EPHA6: variants seen among roughly 807,000 people sequenced by gnomAD.
EPHA6 encodes EPH receptor A6, also known as ephrin type-A receptor 6.
In EPHA6, 50 loss-of-function variants were observed where a neutral mutation model predicts 112.0. The observed-to-expected ratio is 0.45, with a 90% confidence interval of 0.36 to 0.56. EPHA6 has a LOEUF of 0.56. EPHA6 is among the 20% of genes least tolerant of loss of function. EPHA6 has a pLI of 0.00. For synonymous variants in EPHA6, 529 were observed against 490.7 expected (o/e 1.08, Z -1.03); for missense variants, 1,280 against 1,417.4 (o/e 0.90, Z 1.56).
At chr3:97,646,408 G>T in intron 14 of EPHA6, 2 of 845,600 alleles carry the variant, frequency 2.4e-6, no homozygotes, top group South Asian at 5.7e-5. Context: ...TGAAGAATGA[G>T]ATTTACACCT....
chr3:96,967,508 G>A (rs938804469), intron 2 of EPHA6, among the ~76,000 whole-genome samples: 6 of 151,574 alleles, frequency 4.0e-5, no homozygotes, highest in African/African-American at 9.7e-5. Flanking sequence ...AATTCTAGAA[G>A]CAGAATTACT....
rs1364245402 is a variant in EPHA6 at position 97,614,519 on chromosome 3, T to A, written c.2574+3665T>A. 1.8e-3 allele frequency among the ~76,000 whole-genome samples: 263 copies of A among 149,056 alleles called. 1 individual carries two copies. Among genetic ancestry groups the A allele is most frequent in the African/African-American group, 6.1e-3 (249 of 40,938 alleles). ...CCAGCTAATTTTTTTTTTTTTTTTT[T>A]TTTTTTTGTATTTTAGAAGAGACGG... is the stretch of plus-strand genomic sequence containing the variant. On this transcript the variant is annotated intron_variant, in intron 13 of 17. Transcript: ENST00000389672.
intron 3 of EPHA6, among the ~76,000 whole-genome samples, chr3:97,174,429 T>C (rs2076779677): frequency 6.6e-6 from 1 of 151,996 alleles, no homozygotes; most frequent in Non-Finnish European, 1.5e-5. Flanking sequence ...TTAGGATTGC[T>C]GGATCATGTG....
At chr3:97,505,890 A>G (rs2092237959) in intron 10 of EPHA6, among the ~76,000 whole-genome samples, 1 of 152,196 alleles carries the variant, frequency 6.6e-6, no homozygotes, top group Non-Finnish European at 1.5e-5. Flanking sequence ...AACTGGCATG[A>G]GATAATATTT....
chr3:97,358,121 A>G (rs2084178644), intron 5 of EPHA6, among the ~76,000 whole-genome samples: 1 of 152,044 alleles, frequency 6.6e-6, no homozygotes, highest in Non-Finnish European at 1.5e-5. Flanking sequence ...TCACTTTTCT[A>G]TTTGTCTTCT....
Position 97,756,054 on chromosome 3 carries a change from T to G in EPHA6, c.*7353T>G, listed in dbSNP as rs2036017560. ...GTTAAATTTACATTTAAACACATCT[T>G]CATTCACTTAGAGAAGCCATAATAT... On this transcript the variant is annotated 3_prime_UTR_variant, in exon 18 of 18. Coordinates refer to ENST00000389672, the MANE Select transcript of EPHA6 (RefSeq NM_001080448.3). Among the ~76,000 whole-genome samples the G allele has an allele frequency of 6.6e-6, 1 of 152,086 alleles. No individual in the cohort carries two copies. Among genetic ancestry groups the G allele is most frequent in the Admixed American group, 6.5e-5 (1 of 15,278 alleles).
chr3:97,526,534 A>T (rs930296069), intron 10 of EPHA6, among the ~76,000 whole-genome samples: 11 of 152,172 alleles, frequency 7.2e-5, no homozygotes, highest in Admixed American at 2.0e-4. Flanking sequence ...TTGCTCATAG[A>T]CTGCATCTGA....
At chr3:97,075,510 A>G (rs567863902) in intron 3 of EPHA6, among the ~76,000 whole-genome samples, 10 of 152,046 alleles carry the variant, frequency 6.6e-5, no homozygotes, top group South Asian at 2.1e-4. Flanking sequence ...TTTCTATTTC[A>G]GAGTAAATAC....
At chr3:97,484,158 G>A in intron 10 of EPHA6, 99 bp downstream of exon 10, 1 of 1,204,872 alleles carries the variant, frequency 8.3e-7, no homozygotes, top group Non-Finnish European at 1.1e-6. Context: ...TTTGGTCATT[G>A]AAAAGTTTTA....
chr3:97,480,208 CT>C (rs1036277539), intron 9 of EPHA6, among the ~76,000 whole-genome samples: 76 of 150,226 alleles, frequency 5.1e-4, no homozygotes, highest in Non-Finnish European at 2.7e-4. Context: ...TAGAATTTTT[CT>C]TTTTTTTCTT....
At chr3:97,023,951 G>A (rs1339867627) in intron 3 of EPHA6, among the ~76,000 whole-genome samples, 2 of 152,054 alleles carry the variant, frequency 1.3e-5, no homozygotes, top group Admixed American at 1.3e-4. Context: ...AAAATGTCAA[G>A]GCTTATTCCT....
At chr3:97,463,752 C>T (rs1007513457) in intron 7 of EPHA6, among the ~76,000 whole-genome samples, 1 of 152,124 alleles carries the variant, frequency 6.6e-6, no homozygotes, top group African/African-American at 2.4e-5. Flanking sequence ...AGGAAGGTTA[C>T]TTAATTCATT....
chr3:97,096,258 TACAC>T (rs1288153584), intron 3 of EPHA6, among the ~76,000 whole-genome samples: 3 of 140,908 alleles, frequency 2.1e-5, no homozygotes, highest in African/African-American at 5.5e-5. Flanking sequence ...CACACACACA[TACAC>T]ACACATACAC....
chr3:97,555,186 T>C (rs2093087315), intron 11 of EPHA6, among the ~76,000 whole-genome samples: 2 of 150,836 alleles, frequency 1.3e-5, no homozygotes, highest in Admixed American at 1.3e-4. Flanking sequence ...CGGTGTTTGG[T>C]TTTTTGTCCT....
At chr3:97,384,123 A>T (rs990572110) in intron 5 of EPHA6, among the ~76,000 whole-genome samples, 3 of 152,186 alleles carry the variant, frequency 2.0e-5, no homozygotes, top group Non-Finnish European at 2.9e-5. Context: ...GACTATTATA[A>T]TGTTTATTCA....
At chr3:97,466,245 C>A in intron 7 of EPHA6, 3 of 1,033,180 alleles carry the variant, frequency 2.9e-6, no homozygotes, top group Non-Finnish European at 3.0e-6. Context: ...TGTTTATCAT[C>A]AAAATCAAAA....
intron 3 of EPHA6, among the ~76,000 whole-genome samples, chr3:97,160,370 G>A (rs551492498): frequency 3.1e-4 from 47 of 152,070 alleles, no homozygotes; most frequent in African/African-American, 9.9e-4. Context: ...TCCGCCTCCC[G>A]GGTTTAAGCG....
intron 2 of EPHA6, among the ~76,000 whole-genome samples, chr3:96,980,033 T>C (rs1196683298): frequency 6.6e-6 from 1 of 152,224 alleles, no homozygotes; most frequent in Non-Finnish European, 1.5e-5. Flanking sequence ...TTTCTTTTGC[T>C]GTGCAGAAGC....
intron 5 of EPHA6, among the ~76,000 whole-genome samples, chr3:97,361,397 A>G (rs1260506283): frequency 2.6e-5 from 4 of 152,242 alleles, no homozygotes; most frequent in South Asian, 2.1e-4. Context: ...GTTCAGGAAC[A>G]GTTGCCATGA....
Sources: allele counts gnomAD v4.1 joint callset (sites outside exome capture counted in the v4.1 genomes callset), GRCh38; gene constraint gnomAD v4.1.1; transcripts MANE v1.5; gene names NCBI Gene and HGNC (gene_info 2026-07-23, HGNC 2026-07-21).